The following CTNNA3 variants were observed in gnomAD, a reference collection of about 807,000 sequenced individuals.
CTNNA3 encodes catenin alpha 3, also known as catenin alpha-3.
In CTNNA3, 76 loss-of-function variants were observed where a neutral mutation model predicts 95.7. The observed-to-expected ratio is 0.79, with a 90% confidence interval of 0.66 to 0.96. The LOEUF (loss-of-function observed/expected upper bound fraction) is 0.96. Ranked by LOEUF, CTNNA3 falls within the 40% of genes least tolerant of loss-of-function variation. CTNNA3 has a pLI of 0.00. For synonymous variants in CTNNA3, 431 were observed against 374.4 expected, an observed-to-expected ratio of 1.15 and a Z score of -1.74; for missense variants, 1,191 against 1,089.8, an observed-to-expected ratio of 1.09 and a Z score of -1.31.
intron 7 of CTNNA3, among the ~76,000 whole-genome samples, chr10:67,030,743 C>T (rs1589631412): frequency 2.0e-5 from 3 of 152,238 alleles, no homozygotes; most frequent in East Asian, 1.9e-4. Context: ...CGGTGGCTCA[C>T]GCCTGTGATC....
At chr10:66,929,863 T>A (rs1847273826) in intron 7 of CTNNA3, among the ~76,000 whole-genome samples, 1 of 152,220 alleles carries the variant, frequency 6.6e-6, no homozygotes, top group African/African-American at 2.4e-5. Flanking sequence ...TTTAGAAAGA[T>A]ATATTTAGTC....
intron 1 of CTNNA3, among the ~76,000 whole-genome samples, chr10:67,759,365 T>C (rs996013381): frequency 2.0e-4 from 30 of 152,232 alleles, no homozygotes; most frequent in Non-Finnish European, 1.0e-4. Flanking sequence ...CCTCTAAAAC[T>C]CTGCAGTTGT....
At chr10:67,202,101 ACTT>A (rs1419155613) in intron 6 of CTNNA3, among the ~76,000 whole-genome samples, 1 of 152,174 alleles carries the variant, frequency 6.6e-6, no homozygotes, top group Non-Finnish European at 1.5e-5. Context: ...ATTTACAAAG[ACTT>A]CTTTTTCCTT....
intron 13 of CTNNA3, among the ~76,000 whole-genome samples, chr10:66,212,451 C>T (rs1276631997): frequency 6.6e-6 from 1 of 151,980 alleles, no homozygotes; most frequent in African/African-American, 2.4e-5. Flanking sequence ...TATTAGCATC[C>T]CTAGAAGTTT....
intron 5 of CTNNA3, among the ~76,000 whole-genome samples, chr10:67,272,355 C>G (rs1014419808): frequency 6.6e-6 from 1 of 151,930 alleles, no homozygotes; most frequent in Non-Finnish European, 1.5e-5. Context: ...AGTTCAAGAC[C>G]AGCCTGGGCA....
chr10:66,708,521 T>C (rs1311993021), intron 9 of CTNNA3, among the ~76,000 whole-genome samples: 1 of 151,932 alleles, frequency 6.6e-6, no homozygotes, highest in Non-Finnish European at 1.5e-5. Flanking sequence ...AATTACCCCT[T>C]GTAGGACCCT....
chr10:65,926,516 G>C (rs867176160), intron 17 of CTNNA3, among the ~76,000 whole-genome samples: 29 of 135,092 alleles, frequency 2.1e-4, no homozygotes, highest in African/African-American at 7.7e-4. Flanking sequence ...CACTCTTGTT[G>C]CCCAGGCTGG....
rs552469863 is a variant in CTNNA3, at chr10:66,926,670, T to C, written c.1048-151146A>G. The stretch of plus-strand genomic sequence containing the variant: ...GTGTGTGTAATAATTCTGCCTTAAT[T>C]ATTTTAGAGATTACCTTGCTCTGCT... On this transcript the variant is annotated intron_variant, in intron 7 of 17. Transcript: ENST00000433211. 5 of 1,474,120 alleles carry C rather than the reference T, an allele frequency of 3.4e-6. No homozygotes were observed. The East Asian group carries it at 9.0e-5, about 27-fold the overall frequency. 91.3% of individuals were successfully genotyped at this position (1,474,120 alleles called of 1,614,324 possible).
chr10:67,050,191 TG>T (rs1273321748), intron 7 of CTNNA3, among the ~76,000 whole-genome samples: 1 of 152,222 alleles, frequency 6.6e-6, no homozygotes, highest in Non-Finnish European at 1.5e-5. Context: ...GAACATGCCC[TG>T]AAGAATCTGC....
Position 67,052,313 on chromosome 10 carries a change from A to ACTCTCTCTCTCTCT in CTNNA3, c.1047+127990_1047+128003dup, listed in dbSNP as rs3841706. On this transcript the variant is annotated intron_variant, in intron 7 of 17. Coordinates refer to ENST00000433211, the MANE Select transcript of CTNNA3 (RefSeq NM_013266.4). ...AGAAGAATCTTCACACCCACTCATC[A>ACTCTCTCTCTCTCT]CTCTCTCTCTCTCTCTCTCTCTCTC... Among the ~76,000 whole-genome samples, 451 of 121,062 alleles carry ACTCTCTCTCTCTCT rather than the reference A, an allele frequency of 3.7e-3. 8 individuals carry two copies. The highest frequency in any genetic ancestry group is 4.9e-3 in the Non-Finnish European group (284 of 57,598). 79.4% of individuals were successfully genotyped at this position (121,062 alleles called of 152,430 possible).
chr10:66,081,350 G>C (rs11597357), intron 14 of CTNNA3, among the ~76,000 whole-genome samples: 43,386 of 152,014 alleles, frequency 0.29, 6,915 homozygotes, highest in South Asian at 0.43. Context: ...GGTGGCTCAT[G>C]GCTGTAATTC....
In CTNNA3 at chr10:67,711,568, A is replaced by AATTTATTTATTT. The variant is rs572590258; in HGVS notation, c.-2+51854_-2+51865dup. ...ATGATTTAGGGTATCTGGCAGAAGA[A>AATTTATTTATTT]ATTTATTTATTTATTTATTTATTTT... On this transcript the variant is annotated intron_variant, in intron 1 of 17. Transcript: ENST00000684154. Among the ~76,000 whole-genome samples the AATTTATTTATTT allele has an allele frequency of 0.034, 4,495 of 134,022 alleles. 458 individuals carry two copies. The East Asian group carries it at 0.37, about 11-fold the overall frequency. The allele number at this position is 134,022 out of a possible 152,430, so 87.9% of individuals were successfully genotyped here.
At chr10:67,386,896 T>A (rs1844190830) in intron 5 of CTNNA3, among the ~76,000 whole-genome samples, 1 of 152,188 alleles carries the variant, frequency 6.6e-6, no homozygotes, top group African/African-American at 2.4e-5. Flanking sequence ...TTTGGTTAAT[T>A]CAAGTCTGAT....
intron 11 of CTNNA3, among the ~76,000 whole-genome samples, chr10:66,440,475 T>C (rs1226984404): frequency 6.6e-6 from 1 of 152,212 alleles, no homozygotes; most frequent in African/African-American, 2.4e-5. Context: ...ATGTTTATGT[T>C]ATCTTCTTCA....
chr10:66,829,588 G>C (rs139950600), intron 7 of CTNNA3, among the ~76,000 whole-genome samples: 10,670 of 148,876 alleles, frequency 0.072, 548 homozygotes, highest in African/African-American at 0.15. Context: ...ACTTCAGCCT[G>C]GGTGATGGAG....
intron 3 of CTNNA3, among the ~76,000 whole-genome samples, chr10:67,602,596 T>C (rs1017369461): frequency 6.6e-6 from 1 of 152,228 alleles, no homozygotes; most frequent in East Asian, 1.9e-4. Context: ...CTGTACAGCA[T>C]AATCCTAGAA....
chr10:67,107,929 G>A (rs1430631432), intron 7 of CTNNA3, among the ~76,000 whole-genome samples: 1 of 152,222 alleles, frequency 6.6e-6, no homozygotes, highest in African/African-American at 2.4e-5. Context: ...TGGCCTTGCG[G>A]AGAGTCCCTG....
intron 7 of CTNNA3, among the ~76,000 whole-genome samples, chr10:66,911,129 C>A (rs1458029068): frequency 1.3e-5 from 2 of 152,120 alleles, no homozygotes; most frequent in Non-Finnish European, 2.9e-5. Context: ...AATTTCTTTC[C>A]TTTTCAGAGC....
At chr10:66,615,012 T>G (rs1844460377) in intron 10 of CTNNA3, among the ~76,000 whole-genome samples, 1 of 151,978 alleles carries the variant, frequency 6.6e-6, no homozygotes, top group Admixed American at 6.6e-5. Flanking sequence ...TCTCCAATAT[T>G]TTTGTCAAGG....
Sources: allele counts gnomAD v4.1 joint callset (sites outside exome capture counted in the v4.1 genomes callset), GRCh38; gene constraint gnomAD v4.1.1; transcripts MANE v1.5; gene names NCBI Gene and HGNC (gene_info 2026-07-23, HGNC 2026-07-21).